The following SLC35F4 variants were observed in gnomAD, a reference collection of about 807,000 sequenced individuals.
SLC35F4 encodes chromosome 14 open reading frame 36.
A neutral mutation model predicts 44.2 loss-of-function variants in SLC35F4; 24 were observed. The ratio of observed to expected loss-of-function variants is 0.54; its 90% CI spans 0.39 to 0.76. The LOEUF is 0.76. Ranked by LOEUF, SLC35F4 falls within the 30% of genes least tolerant of loss-of-function variation. SLC35F4 has a pLI of 0.00. For missense variants in SLC35F4, 562 were observed against 586.1 expected, an observed-to-expected ratio of 0.96 and a Z score of 0.42; for synonymous variants, 238 against 223.6, an observed-to-expected ratio of 1.06 and a Z score of -0.57.
intron 1 of SLC35F4, among the ~76,000 whole-genome samples, chr14:57,662,140 A>T (rs991468476): frequency 1.3e-5 from 2 of 152,202 alleles, no homozygotes; most frequent in African/African-American, 4.8e-5. Flanking sequence ...CTTTGAAAAC[A>T]TGTAGAAATC....
chr14:57,644,567 C>T (rs1432843099), intron 1 of SLC35F4, among the ~76,000 whole-genome samples: 2 of 151,936 alleles, frequency 1.3e-5, no homozygotes, highest in Non-Finnish European at 2.9e-5. Context: ...TGTAGGTTGC[C>T]TGTTCACTCT....
At chr14:57,658,679 C>T (rs1364323073) in intron 1 of SLC35F4, among the ~76,000 whole-genome samples, 1 of 152,138 alleles carries the variant, frequency 6.6e-6, no homozygotes, top group African/African-American at 2.4e-5. Context: ...ATATGGCTCT[C>T]GTTGCCAAGG....
chr14:57,639,895 C>T (rs60301287), intron 1 of SLC35F4, among the ~76,000 whole-genome samples: 4,201 of 152,014 alleles, frequency 0.028, 87 homozygotes, highest in South Asian at 0.075. Context: ...ATAAGAAACT[C>T]GTTTTAGCTC....
chr14:57,788,051 T>A (rs141981256), intron 1 of SLC35F4, among the ~76,000 whole-genome samples: 1 of 152,136 alleles, frequency 6.6e-6, no homozygotes, highest in Non-Finnish European at 1.5e-5. Flanking sequence ...AGGACTCACA[T>A]AGACTTAAAG....
chr14:57,729,931 C>G (rs1393173505), intron 1 of SLC35F4, among the ~76,000 whole-genome samples: 2 of 152,202 alleles, frequency 1.3e-5, no homozygotes, highest in African/African-American at 4.8e-5. Context: ...TCAAAATGTT[C>G]CCTTCATACA....
At chr14:57,663,551 G>A (rs553549170) in intron 1 of SLC35F4, among the ~76,000 whole-genome samples, 2 of 152,254 alleles carry the variant, frequency 1.3e-5, no homozygotes, top group South Asian at 4.2e-4. Context: ...TGTCTTTATA[G>A]CACAGAGACC....
At chr14:57,862,744 G>A (rs1376748427) in intron 1 of SLC35F4, among the ~76,000 whole-genome samples, 1 of 152,174 alleles carries the variant, frequency 6.6e-6, no homozygotes, top group Non-Finnish European at 1.5e-5. Context: ...ATTTAAAATT[G>A]TGATAATTTC....
chr14:57,651,056 T>C (rs1420366692), intron 1 of SLC35F4, among the ~76,000 whole-genome samples: 1 of 152,208 alleles, frequency 6.6e-6, no homozygotes, highest in East Asian at 1.9e-4. Context: ...TTTAGGCTTA[T>C]GTCACAATCC....
chr14:57,755,476 T>C (rs1249627851), intron 1 of SLC35F4, among the ~76,000 whole-genome samples: 1 of 152,200 alleles, frequency 6.6e-6, no homozygotes, highest in Non-Finnish European at 1.5e-5. Context: ...CTCACTCCTT[T>C]GTAGGTGGGA....
In SLC35F4 at chr14:57,865,938, C is replaced by A; in HGVS notation, c.-113G>T. On this transcript the variant is annotated 5_prime_UTR_variant, in exon 1 of 8. Transcript: ENST00000556826. Reference sequence around the variant, plus strand: ...GTGCTGATCTTGCAGCTCCTGCTCCCGCGCCCGGGCTCTGACTCCACCGCC... The same window carrying A: ...GTGCTGATCTTGCAGCTCCTGCTCCAGCGCCCGGGCTCTGACTCCACCGCC... 2 of 617,136 alleles carry A rather than the reference C, an allele frequency of 3.2e-6. No individual in the cohort carries two copies. The highest frequency in any genetic ancestry group is 2.5e-6 in the Non-Finnish European group (1 of 395,982). The allele number at this position is 617,136 out of a possible 1,614,324, so 38.2% of individuals were successfully genotyped here.
rs570564340 is a variant in SLC35F4 at position 57,909,342 on chromosome 14, G to A, written n.282+72571C>T. Among the ~76,000 whole-genome samples the A allele has an allele frequency of 1.3e-4, 20 of 151,778 alleles. No homozygotes were observed. In the South Asian group the frequency reaches 4.2e-3, roughly 32 times the overall value. On this transcript the variant is annotated intron_variant and non_coding_transcript_variant, in intron 1 of 1. Coordinates refer to the SLC35F4 transcript ENST00000556568. ...CACTTTTGGTGCTCTACATTCTATG[G>A]GATTTGATAAATATATAGTAACAAG...
chr14:57,600,241 G>T (rs1290210095), intron 1 of SLC35F4, among the ~76,000 whole-genome samples: 2 of 152,136 alleles, frequency 1.3e-5, no homozygotes, highest in East Asian at 3.8e-4. Flanking sequence ...TTTTATAAGT[G>T]TGTTTCTTTT....
intron 1 of SLC35F4, among the ~76,000 whole-genome samples, chr14:57,906,961 G>T (rs183405792): frequency 6.1e-4 from 93 of 152,240 alleles, no homozygotes; most frequent in African/African-American, 2.2e-3. Flanking sequence ...CCTTCCCTTT[G>T]CTTTCCAATA....
chr14:57,687,835 C>T (rs958023299), intron 1 of SLC35F4, among the ~76,000 whole-genome samples: 1 of 152,100 alleles, frequency 6.6e-6, no homozygotes, highest in East Asian at 1.9e-4. Flanking sequence ...AATGTAATTT[C>T]TGAAGAATAT....
At chr14:57,655,181 A>G (rs2073923786) in intron 1 of SLC35F4, among the ~76,000 whole-genome samples, 1 of 151,922 alleles carries the variant, frequency 6.6e-6, no homozygotes, top group Non-Finnish European at 1.5e-5. Flanking sequence ...TATTCTTTTC[A>G]CCCTACTCAG....
chr14:57,655,122 A>G (rs535557824), intron 1 of SLC35F4, among the ~76,000 whole-genome samples: 2 of 152,018 alleles, frequency 1.3e-5, no homozygotes, highest in African/African-American at 4.8e-5. Flanking sequence ...CTGGTGCTGA[A>G]CCACCACTCT....
At chr14:57,812,441 C>T (rs947046754) in intron 1 of SLC35F4, among the ~76,000 whole-genome samples, 1 of 152,148 alleles carries the variant, frequency 6.6e-6, no homozygotes, top group African/African-American at 2.4e-5. Flanking sequence ...AAAAGGGCGG[C>T]TTAGGGAGAT....
intron 1 of SLC35F4, among the ~76,000 whole-genome samples, chr14:57,965,839 A>G (rs531940692): frequency 6.4e-4 from 97 of 152,198 alleles, no homozygotes; most frequent in Non-Finnish European, 1.2e-3. Context: ...AAGATGTTTA[A>G]CCACGAAGGC....
At chr14:57,698,028 T>C (rs571067258) in intron 1 of SLC35F4, among the ~76,000 whole-genome samples, 1 of 152,208 alleles carries the variant, frequency 6.6e-6, no homozygotes, top group Non-Finnish European at 1.5e-5. Flanking sequence ...TTAAATTGTT[T>C]GTGCTTCAGT....
Sources: allele counts gnomAD v4.1 joint callset (sites outside exome capture counted in the v4.1 genomes callset), GRCh38; gene constraint gnomAD v4.1.1; transcripts MANE v1.5; gene names NCBI Gene and HGNC (gene_info 2026-07-23, HGNC 2026-07-21).